The following ARHGEF12 variants were observed in gnomAD, a reference collection of about 807,000 sequenced individuals.
ARHGEF12 encodes the protein Rho guanine nucleotide exchange factor 12, also known as KMT2A/ARHGEF12 fusion protein.
ARHGEF12 carries 66 observed loss-of-function variants against 211.2 expected under a neutral mutation model. That is an observed-to-expected ratio of 0.31 (90% CI 0.26 to 0.38). The LOEUF (loss-of-function observed/expected upper bound fraction) is 0.38. Ranked by LOEUF, ARHGEF12 falls within the 10% of genes least tolerant of loss-of-function variation. The pLI is 1.00. For missense variants in ARHGEF12, 1,429 were observed against 1,869.5 expected, an observed-to-expected ratio of 0.76 and a Z score of 4.34; for synonymous variants, 592 against 638.4, an observed-to-expected ratio of 0.93 and a Z score of 1.09.
chr11:120,392,867 T>C (rs184135242), intron 1 of ARHGEF12, among the ~76,000 whole-genome samples: 1 of 152,246 alleles, frequency 6.6e-6, no homozygotes, highest in East Asian at 1.9e-4. Flanking sequence ...TTTATTGGCT[T>C]TTTTGGAACC....
chr11:120,402,883 C>CA (rs1480977411), intron 1 of ARHGEF12, among the ~76,000 whole-genome samples: 1 of 151,984 alleles, frequency 6.6e-6, no homozygotes, highest in Non-Finnish European at 1.5e-5. Context: ...TTTTTAAGTC[C>CA]AAAAGAAATT....
intron 1 of ARHGEF12, 93 bp downstream of exon 1, chr11:120,337,368 G>A (rs1942382653): frequency 4.4e-6 from 7 of 1,596,198 alleles, no homozygotes; most frequent in Non-Finnish European, 6.0e-6. Flanking sequence ...GGCCAGCGAA[G>A]TTGACAGGCA....
intron 22 of ARHGEF12, among the ~76,000 whole-genome samples, chr11:120,452,250 G>A (rs1946234733): frequency 6.6e-6 from 1 of 152,226 alleles, no homozygotes; most frequent in South Asian, 2.1e-4. Flanking sequence ...GTTGTGAGGA[G>A]AGAGGAGATG....
At chr11:120,378,113 T>C (rs982780775) in intron 1 of ARHGEF12, among the ~76,000 whole-genome samples, 8 of 152,190 alleles carry the variant, frequency 5.3e-5, no homozygotes, top group African/African-American at 1.9e-4. Flanking sequence ...AAAGTGCCTC[T>C]GTCATTTTAC....
chr11:120,365,717 T>C (rs921203889), intron 1 of ARHGEF12: 2 of 152,204 alleles, frequency 1.3e-5, no homozygotes, highest in African/African-American at 4.8e-5. Flanking sequence ...GGATTGCCAG[T>C]TGATAGACCT....
At chr11:120,348,738 G>T (rs1318637274) in intron 1 of ARHGEF12, among the ~76,000 whole-genome samples, 1 of 152,162 alleles carries the variant, frequency 6.6e-6, no homozygotes, top group Non-Finnish European at 1.5e-5. Context: ...CTACTCGGGA[G>T]GCTGAGGCAG....
At chr11:120,358,217 T>C (rs1943181986) in intron 1 of ARHGEF12, among the ~76,000 whole-genome samples, 1 of 152,148 alleles carries the variant, frequency 6.6e-6, no homozygotes, top group Non-Finnish European at 1.5e-5. Flanking sequence ...GTAATCCATA[T>C]GAAAAATGAT....
At chr11:120,465,463 T>C in intron 28 of ARHGEF12, 101 bp downstream of exon 28, 1 of 1,486,556 alleles carries the variant, frequency 6.7e-7, no homozygotes, top group Non-Finnish European at 9.1e-7. Flanking sequence ...AAAGATTACA[T>C]CTGTGTTAAC....
chr11:120,450,919 T>C, intron 21 of ARHGEF12: 1 of 152,850 alleles, frequency 6.5e-6, no homozygotes, highest in East Asian at 1.9e-4. Flanking sequence ...TGACCCTTCT[T>C]CTTTCCCTAC....
Position 120,457,222 on chromosome 11 carries a change from G to A in ARHGEF12, c.2161G>A (p.Val721Met). ...TTTCCCACCACCTCCATTAGACCAA[G>A]TGCAGGAGGAGGAATGTGAAGTAGA... The part of the protein sequence containing the change: ...FDFPPPPLDQ[V>M]QEEECEVERV... The change falls in exon 23 of 41, where the codon GTG becomes ATG. Residue 721 changes from valine to methionine, a missense_variant. Around this residue, in one of 7 missense-constraint regions of ARHGEF12, gnomAD observed 373 missense variants for 467.5 expected, o/e 0.80. Transcript: ENST00000397843. 6.2e-7 allele frequency: 1 copy of A among 1,614,086 alleles called. No homozygotes were observed. Among genetic ancestry groups the A allele is most frequent in the Middle Eastern group, 1.6e-4 (1 of 6,062 alleles).
chr11:120,390,617 TATGA>T (rs1944182193), intron 1 of ARHGEF12, among the ~76,000 whole-genome samples: 1 of 152,220 alleles, frequency 6.6e-6, no homozygotes, highest in Admixed American at 6.5e-5. Flanking sequence ...TGTAACGGGA[TATGA>T]ATACCTTTCT....
rs202017124 is a variant in ARHGEF12 at position 120,428,052 on chromosome 11, C to T, written c.407-17C>T. ...TATTTTCCCTTCCCTTCCCTTTTTCCGTCTCCCCACCCCAAGCTGGTTCCT... is the reference window on the plus strand; with the variant it reads ...TATTTTCCCTTCCCTTCCCTTTTTCTGTCTCCCCACCCCAAGCTGGTTCCT... On this transcript the variant is annotated splice_polypyrimidine_tract_variant and intron_variant, in intron 7 of 40. Coordinates refer to ENST00000397843, the MANE Select transcript of ARHGEF12 (RefSeq NM_015313.3). 1.5e-4 allele frequency: 229 copies of T among 1,511,218 alleles called. No individual in the cohort carries two copies. The African/African-American group carries it at 2.3e-3, about 15-fold the overall frequency. 93.6% of individuals were successfully genotyped at this position (1,511,218 alleles called of 1,614,324 possible).
rs1555090042 is a variant in ARHGEF12 at position 120,347,183 on chromosome 11, C to CTTCCTTCCTTCCTTCCTTTCTTT, written c.32+9908_32+9909insTTCCTTCCTTCCTTCCTTTCTTT. On this transcript the variant is annotated intron_variant, in intron 1 of 40. Coordinates refer to ENST00000397843, the MANE Select transcript of ARHGEF12 (RefSeq NM_015313.3). ...TCCTTCCTTCCTTCCTTCCTTCCTT[C>CTTCCTTCCTTCCTTCCTTTCTTT]CTTTCTTTCTTTCTTTCTTTCTCTT... Among the ~76,000 whole-genome samples, 36 of 100,322 alleles carry CTTCCTTCCTTCCTTCCTTTCTTT rather than the reference C, an allele frequency of 3.6e-4. 2 individuals are homozygous for CTTCCTTCCTTCCTTCCTTTCTTT. The highest frequency in any genetic ancestry group is 1.2e-3 in the African/African-American group (33 of 28,052). 65.8% of individuals were successfully genotyped at this position (100,322 alleles called of 152,430 possible).
At chr11:120,352,433 G>A (rs1178171225) in intron 1 of ARHGEF12, among the ~76,000 whole-genome samples, 1 of 152,162 alleles carries the variant, frequency 6.6e-6, no homozygotes, top group East Asian at 1.9e-4. Context: ...AAGTTGGGTT[G>A]CAGTTTTTTC....
chr11:120,342,257 C>G (rs1942559473), intron 1 of ARHGEF12, among the ~76,000 whole-genome samples: 1 of 152,128 alleles, frequency 6.6e-6, no homozygotes, highest in African/African-American at 2.4e-5. Context: ...CTTACCCATT[C>G]TAATTTTAAA....
At chr11:120,436,756 G>T (rs952750693) in intron 11 of ARHGEF12, among the ~76,000 whole-genome samples, 2 of 152,100 alleles carry the variant, frequency 1.3e-5, no homozygotes, top group African/African-American at 4.8e-5. Context: ...ATTTGCGTAT[G>T]CAAATACTAT....
chr11:120,448,637 AC>A (rs1211218849), intron 20 of ARHGEF12: 5 of 395,030 alleles, frequency 1.3e-5, no homozygotes, highest in African/African-American at 4.1e-5. Context: ...TAAACTAAAT[AC>A]CCCCTGTGTT....
At chr11:120,434,556 C>T (rs1945640060) in intron 11 of ARHGEF12, among the ~76,000 whole-genome samples, 1 of 152,144 alleles carries the variant, frequency 6.6e-6, no homozygotes, top group Non-Finnish European at 1.5e-5. Flanking sequence ...TTTAACAGTA[C>T]TTTGAGTCGC....
chr11:120,407,503 A>G (rs1944743480), intron 2 of ARHGEF12, among the ~76,000 whole-genome samples: 1 of 152,184 alleles, frequency 6.6e-6, no homozygotes, highest in Middle Eastern at 3.2e-3. Context: ...CTGAGAATAA[A>G]AGAGACTTTA....
Sources: gnomAD v4.1 joint callset for allele counts (sites outside exome capture counted in the v4.1 genomes callset) on GRCh38, gnomAD v4.1.1 for gene constraint, gnomAD v4.1.1 regional missense constraint, MANE v1.5 for transcripts, NCBI Gene and HGNC (gene_info 2026-07-23, HGNC 2026-07-21) for gene names.